Variants in ANK1 observed in about 807,000 individuals in gnomAD.
ANK1 encodes the protein ankyrin-1.
ANK1 carries 51 observed loss-of-function variants against 210.4 expected under a neutral mutation model. That is an observed-to-expected ratio of 0.24 (90% confidence interval 0.19 to 0.31). ANK1 has a LOEUF of 0.31. Ranked by LOEUF, ANK1 falls within the 10% of genes least tolerant of loss-of-function variation. The pLI, the probability that ANK1 is intolerant of heterozygous loss-of-function variation, is 1.00. For synonymous variants in ANK1, 967 were observed against 1,025.9 expected (o/e 0.94, Z 1.10); for missense variants, 2,051 against 2,504.4 (o/e 0.82, Z 3.86).
rs75544850 is a variant in ANK1 at position 41,769,523 on chromosome 8, C to T, written c.28-11386G>A. Among the ~76,000 whole-genome samples the T allele has an allele frequency of 3.3e-4, 50 of 152,230 alleles. No homozygotes were observed. The East Asian group carries it at 9.3e-3, about 28-fold the overall frequency. ...TTTAGAGAGAGAGAGAGAAAATTCC[C>T]CGCTCAGATGAGTAAATAATATATA... On this transcript the variant is annotated intron_variant, in intron 1 of 42. Transcript: ENST00000289734.
At chr8:41,676,234 T>A (rs1232350736) in intron 37 of ANK1, among the ~76,000 whole-genome samples, 2 of 152,210 alleles carry the variant, frequency 1.3e-5, no homozygotes, top group African/African-American at 4.8e-5. Flanking sequence ...TTCCCCCATA[T>A]CCTCACCAAC....
At chr8:41,663,112 C>CTGTGTGTGTGTG (rs763969947) in intron 40 of ANK1, among the ~76,000 whole-genome samples, 154 of 129,582 alleles carry the variant, frequency 1.2e-3, no homozygotes, top group African/African-American at 4.1e-3. Flanking sequence ...CTCTCTCTCT[C>CTGTGTGTGTGTG]TCTGTGTGTG....
rs745467048 is a variant in ANK1 at position 41,803,178 on chromosome 8, GGAGA to G, written c.127-45045_127-45042del. On this transcript the variant is annotated intron_variant, in intron 1 of 42. Coordinates refer to the ANK1 transcript ENST00000265709. ...AAAGAAAAGAGAAAAAGAGAGGGAG[GGAGA>G]GAGAGAGAGAGAAAAAAAAAGCATC... is the stretch of plus-strand genomic sequence containing the variant. 3.6e-4 allele frequency among the ~76,000 whole-genome samples: 54 copies of G among 149,640 alleles called. No individual in the cohort carries two copies. In the East Asian group the frequency reaches 4.7e-3, roughly 13 times the overall value.
intron 37 of ANK1, among the ~76,000 whole-genome samples, chr8:41,676,145 GTA>G (rs1173850828): frequency 6.6e-6 from 1 of 152,152 alleles, no homozygotes; most frequent in Admixed American, 6.5e-5. Flanking sequence ...TGTACAGTAG[GTA>G]TATGTTTAAC....
At chr8:41,887,544 C>A (rs1466909117) in intron 1 of ANK1, among the ~76,000 whole-genome samples, 1 of 152,130 alleles carries the variant, frequency 6.6e-6, no homozygotes, top group African/African-American at 2.4e-5. Context: ...CAGGCGTGAG[C>A]CACTGTGCCC....
chr8:41,741,099 C>T (rs1834680147), intron 2 of ANK1, among the ~76,000 whole-genome samples: 1 of 152,218 alleles, frequency 6.6e-6, no homozygotes, highest in Non-Finnish European at 1.5e-5. Flanking sequence ...CAGAACTGGG[C>T]TTCCCTCCTC....
intron 34 of ANK1, 107 bp from the exon 35 acceptor site, chr8:41,688,337 T>C (rs1818268079): frequency 2.8e-6 from 4 of 1,445,680 alleles, no homozygotes; most frequent in Admixed American, 3.3e-5. Flanking sequence ...CTGGGGTGAT[T>C]GTCTAGACTC....
Position 41,696,506 on chromosome 8 carries a change from C to A in ANK1, c.2817G>T (p.Pro939=), listed in dbSNP as rs751319722. 1.2e-6 allele frequency: 2 copies of A among 1,613,426 alleles called. No individual in the cohort carries two copies. Among genetic ancestry groups the A allele is most frequent in the Non-Finnish European group, 1.7e-6 (2 of 1,180,008 alleles). ...GGGTGGGCGCTGCGCACGTCCGTGG[C>A]GGGATCACCACTCGCAGGCCGTTGT... is the stretch of plus-strand genomic sequence containing the variant. ...SRHNGLRVVI[P]PRTCAAPTRI... The change falls in exon 26 of 43, where the codon CCG becomes CCT. Residue 939 remains proline, a synonymous_variant. Coordinates refer to ENST00000289734, the MANE Select transcript of ANK1 (RefSeq NM_000037.4).
intron 1 of ANK1, among the ~76,000 whole-genome samples, chr8:41,777,125 C>G (rs912946179): frequency 6.6e-6 from 1 of 152,126 alleles, no homozygotes; most frequent in Admixed American, 6.5e-5. Context: ...AACTGTCAAC[C>G]CTCAGCTGCA....
chr8:41,690,041 C>A (rs1206787070), intron 33 of ANK1, among the ~76,000 whole-genome samples, 186 bp downstream of exon 33: 6 of 152,236 alleles, frequency 3.9e-5, no homozygotes, highest in African/African-American at 1.4e-4. Flanking sequence ...AGGGCCAGGG[C>A]ATGGTCTCCC....
At chr8:41,716,644 T>G (rs1222996448) in intron 13 of ANK1, among the ~76,000 whole-genome samples, 1 of 152,212 alleles carries the variant, frequency 6.6e-6, no homozygotes, top group Non-Finnish European at 1.5e-5. Context: ...TTGCTGGCAA[T>G]GCTTTCTTTA....
chr8:41,896,600 G>A (rs1035971764), exon 1 of ANK1: 7 of 1,297,994 alleles, frequency 5.4e-6, no homozygotes, highest in Non-Finnish European at 6.9e-6. Flanking sequence ...AGCGTTCGTG[G>A]CGCCCCGAGG....
At chr8:41,676,522 A>T (rs1295779698) in intron 37 of ANK1, among the ~76,000 whole-genome samples, 1 of 152,190 alleles carries the variant, frequency 6.6e-6, no homozygotes, top group East Asian at 1.9e-4. Flanking sequence ...CCCAGTCTGT[A>T]GCTCGTCTTT....
chr8:41,754,864 C>A (rs189295811), intron 2 of ANK1, among the ~76,000 whole-genome samples: 269 of 152,346 alleles, frequency 1.8e-3, no homozygotes, highest in Middle Eastern at 3.4e-3. Context: ...CTGACCAGCT[C>A]CTTTCCAGGC....
chr8:41,838,058 C>T (rs1159625595), intron 1 of ANK1, among the ~76,000 whole-genome samples: 1 of 152,182 alleles, frequency 6.6e-6, no homozygotes, highest in Non-Finnish European at 1.5e-5. Flanking sequence ...CTGGCCCCCT[C>T]ACCAGTGCCT....
chr8:41,725,891 G>C lies in ANK1; in HGVS notation c.482C>G (p.Ala161Gly). 2 of 1,613,562 alleles carry C rather than the reference G, an allele frequency of 1.2e-6. No homozygotes were observed. The highest frequency in any genetic ancestry group is 1.7e-6 in the Non-Finnish European group (2 of 1,179,940). ...ALQQGHENVV[A>G]HLINYGTKGK... ...CTTGGTGCCGTAGTTGATGAGGTGC[G>C]CGACGACGTTCTCATGGCCCTGCTG... is the stretch of plus-strand genomic sequence containing the variant. The change falls in exon 6 of 43, where the codon GCG becomes GGG. Residue 161 changes from alanine (A) to glycine (G), a missense_variant. By Grantham distance (60) the Ala-to-Gly change is moderately conservative. This residue lies in a region of ANK1 where 1,413 missense variants were observed against 1,707.4 expected (regional missense o/e 0.83). Coordinates refer to ENST00000289734, the MANE Select transcript of ANK1 (RefSeq NM_000037.4).
chr8:41,777,591 A>T (rs1429458193), intron 1 of ANK1, among the ~76,000 whole-genome samples: 3 of 152,080 alleles, frequency 2.0e-5, no homozygotes, highest in Non-Finnish European at 4.4e-5. Context: ...CAAAAAAACA[A>T]AACAAAACAA....
In ANK1 at chr8:41,704,320, G is replaced by C; in HGVS notation, c.2196+54C>G. ...CCCAGAGCAGCTCTGGCTTTACCCT[G>C]ATGTGGCATGGAGAAGGGTCAGTGC... is the stretch of plus-strand genomic sequence containing the variant. On this transcript the variant is annotated intron_variant, in intron 19 of 42. Coordinates refer to ENST00000289734, the MANE Select transcript of ANK1 (RefSeq NM_000037.4). The surrounding 1 kb of genome is among the most constrained non-coding windows in gnomAD (Gnocchi z 4.1). 2 of 1,546,538 alleles carry C rather than the reference G, an allele frequency of 1.3e-6. No individual in the cohort carries two copies. Among genetic ancestry groups the C allele is most frequent in the South Asian group, 2.2e-5 (2 of 89,560 alleles).
intron 10 of ANK1, 126 bp downstream of exon 10, chr8:41,719,535 T>C: frequency 7.9e-7 from 1 of 1,263,824 alleles, no homozygotes; most frequent in South Asian, 1.2e-5. Flanking sequence ...ACCCCACTGC[T>C]CAGGCCTCGA....
Sources: gnomAD v4.1 joint callset for allele counts (sites outside exome capture counted in the v4.1 genomes callset) on GRCh38, gnomAD v4.1.1 for gene constraint, gnomAD v4.1.1 regional missense constraint, Gnocchi (gnomAD v3.1) non-coding constraint, MANE v1.5 for transcripts, NCBI Gene and HGNC (gene_info 2026-07-23, HGNC 2026-07-21) for gene names.